The following RHOA variants were observed in gnomAD, a reference collection of about 807,000 sequenced individuals.
RHOA encodes the protein transforming protein RhoA.
In RHOA, 3 loss-of-function variants were observed where a neutral mutation model predicts 17.5. The observed-to-expected ratio is 0.17, with a 90% CI of 0.08 to 0.44. The LOEUF (loss-of-function observed/expected upper bound fraction) is 0.44, where lower values mean the gene tolerates loss of function less well. Ranked by LOEUF, RHOA falls within the 20% of genes least tolerant of loss-of-function variation. The pLI is 0.99. For synonymous variants in RHOA, 98 were observed against 88.4 expected, an observed-to-expected ratio of 1.11 and a Z score of -0.61; for missense variants, 56 against 242.3, an observed-to-expected ratio of 0.23 and a Z score of 5.10.
At chr3:49,360,932 G>C (rs1350891151) in intron 4 of RHOA, 1 of 373,062 alleles carries the variant, frequency 2.7e-6, no homozygotes, top group Non-Finnish European at 5.3e-6. Flanking sequence ...AATCACCTGG[G>C]TGTGGTAGTG....
At chr3:49,361,307 T>G (rs566111612) in intron 4 of RHOA, among the ~76,000 whole-genome samples, 195 of 152,242 alleles carry the variant, frequency 1.3e-3, no homozygotes, top group African/African-American at 4.3e-3. Flanking sequence ...AAGCCTACCC[T>G]TGACATTCAG....
At chr3:49,380,400 A>C (rs1407274486) in intron 1 of RHOA, among the ~76,000 whole-genome samples, 1 of 152,092 alleles carries the variant, frequency 6.6e-6, no homozygotes, top group Non-Finnish European at 1.5e-5. Flanking sequence ...ACCTATAGTC[A>C]AACTAATCCT....
intron 3 of RHOA, chr3:49,366,604 A>AAATC (rs772869139): frequency 2.0e-5 from 3 of 152,320 alleles, no homozygotes; most frequent in East Asian, 3.9e-4. Flanking sequence ...CCCCGCCTCT[A>AAATC]AATCAATCAA....
At chr3:49,387,443 CG>C (rs1211486175) in intron 1 of RHOA, among the ~76,000 whole-genome samples, 10 of 61,594 alleles carry the variant, frequency 1.6e-4, no homozygotes, top group African/African-American at 4.8e-4. Flanking sequence ...GACTCCATCT[CG>C]GGGGAAAAAA....
chr3:49,374,297 A>G lies in RHOA; in HGVS notation c.156+1137T>C, dbSNP rs189937358. 7.9e-5 allele frequency among the ~76,000 whole-genome samples: 12 copies of G among 152,330 alleles called. 1 individual carries two copies. The East Asian group carries it at 1.9e-3, about 24-fold the overall frequency. On this transcript the variant is annotated intron_variant, in intron 2 of 4. Coordinates refer to ENST00000418115, the MANE Select transcript of RHOA (RefSeq NM_001664.4). The stretch of plus-strand genomic sequence containing the variant: ...CCAGGAGGCAGAGCTTGAACTAGTA[A>G]TCTAATACTGGGACATCTGATTAAA...
At chr3:49,410,317 T>C (rs910587838) in intron 1 of RHOA, among the ~76,000 whole-genome samples, 4 of 152,156 alleles carry the variant, frequency 2.6e-5, no homozygotes, top group African/African-American at 9.7e-5. Flanking sequence ...CATCTGCAAA[T>C]GGGGTTGGAC....
intron 1 of RHOA, among the ~76,000 whole-genome samples, chr3:49,381,222 T>C (rs534965218): frequency 4.0e-5 from 6 of 151,584 alleles, no homozygotes; most frequent in Admixed American, 6.6e-5. Context: ...CTGGCCAACA[T>C]TGTGAAACCC....
intron 1 of RHOA, among the ~76,000 whole-genome samples, chr3:49,383,073 AAAAG>A: frequency 6.6e-6 from 1 of 151,450 alleles, no homozygotes; most frequent in African/African-American, 2.4e-5. Context: ...AAAAAAAAGA[AAAAG>A]AAAAAGAAAA....
chr3:49,375,337 TG>T, intron 2 of RHOA, 96 bp downstream of exon 2: 2 of 1,105,828 alleles, frequency 1.8e-6, no homozygotes, highest in Non-Finnish European at 2.6e-6. Flanking sequence ...TTTTGTTATA[TG>T]GTATACTGAA....
chr3:49,405,925 C>T lies in RHOA; in HGVS notation c.-3+5895G>A, dbSNP rs577315572. On this transcript the variant is annotated intron_variant, in intron 1 of 4. Coordinates refer to ENST00000418115, the MANE Select transcript of RHOA (RefSeq NM_001664.4). ...GTTTCGAACTCCTGACCTCAGGTGA[C>T]CCACCCACCTCGGCCTCCCAAAGTG... Among the ~76,000 whole-genome samples the T allele has an allele frequency of 2.7e-4, 41 of 152,182 alleles. 1 individual carries two copies. The highest frequency in any genetic ancestry group is 2.1e-4 in the Non-Finnish European group (14 of 67,996).
At chr3:49,386,962 A>C (rs536397212) in intron 1 of RHOA, among the ~76,000 whole-genome samples, 2 of 151,334 alleles carry the variant, frequency 1.3e-5, no homozygotes, top group South Asian at 2.1e-4. Context: ...AAAATACAAA[A>C]AAAAATTAGC....
intron 3 of RHOA, 73 bp from the exon 4 acceptor site, chr3:49,362,699 A>C: frequency 7.9e-7 from 1 of 1,265,730 alleles, no homozygotes; most frequent in African/African-American, 1.5e-5. Flanking sequence ...ACCTCAGTGA[A>C]ATTGCAGAGA....
chr3:49,396,736 C>G (rs966771200), intron 1 of RHOA, among the ~76,000 whole-genome samples: 4 of 151,996 alleles, frequency 2.6e-5, no homozygotes, highest in African/African-American at 9.7e-5. Context: ...GTGCAGTTAT[C>G]AGCACTCTGG....
intron 1 of RHOA, among the ~76,000 whole-genome samples, chr3:49,389,532 T>C (rs1320378452): frequency 1.3e-5 from 2 of 152,164 alleles, no homozygotes; most frequent in Non-Finnish European, 1.5e-5. Flanking sequence ...ATGTCATTAA[T>C]AGACTAATTC....
chr3:49,394,046 T>C (rs1040108216), intron 1 of RHOA, among the ~76,000 whole-genome samples: 3 of 151,868 alleles, frequency 2.0e-5, no homozygotes, highest in African/African-American at 4.8e-5. Context: ...AATTTTTTTA[T>C]TTTTTATTAG....
intron 1 of RHOA, among the ~76,000 whole-genome samples, chr3:49,409,032 C>T (rs1277441461): frequency 6.6e-6 from 1 of 151,584 alleles, no homozygotes; most frequent in African/African-American, 2.4e-5. Context: ...TCGTGATCCG[C>T]CCGCCTCGGC....
intron 3 of RHOA, among the ~76,000 whole-genome samples, chr3:49,365,416 T>G (rs2048039734): frequency 6.6e-6 from 1 of 151,874 alleles, no homozygotes; most frequent in Non-Finnish European, 1.5e-5. Flanking sequence ...GTGGTGGGAT[T>G]ACAGGTGTGA....
At chr3:49,399,854 G>A (rs1284085568) in intron 1 of RHOA, among the ~76,000 whole-genome samples, 1 of 152,066 alleles carries the variant, frequency 6.6e-6, no homozygotes, top group African/African-American at 2.4e-5. Context: ...GATTTATATA[G>A]TAGATTACAT....
intron 1 of RHOA, among the ~76,000 whole-genome samples, chr3:49,394,659 C>A (rs2048582238): frequency 6.6e-6 from 1 of 152,152 alleles, no homozygotes; most frequent in African/African-American, 2.4e-5. Flanking sequence ...CCACAAACCA[C>A]TGTCTTCTAT....
Sources: gnomAD v4.1 joint callset for allele counts (sites outside exome capture counted in the v4.1 genomes callset) on GRCh38, gnomAD v4.1.1 for gene constraint, MANE v1.5 for transcripts, NCBI Gene and HGNC (gene_info 2026-07-23, HGNC 2026-07-21) for gene names.